The following PHKA1 variants were observed in gnomAD, a reference collection of about 807,000 sequenced individuals.
PHKA1 encodes the protein phosphorylase b kinase regulatory subunit alpha, skeletal muscle isoform.
In PHKA1, 60 loss-of-function variants were observed where a neutral mutation model predicts 110.2. The ratio of observed to expected loss-of-function variants is 0.54; its 90% CI spans 0.44 to 0.68. The LOEUF (loss-of-function observed/expected upper bound fraction) is 0.68, where lower values mean the gene tolerates loss of function less well. PHKA1 is among the 30% of genes least tolerant of loss of function. The pLI is 0.00. For synonymous variants in PHKA1, 316 were observed against 333.6 expected (o/e 0.95, Z 0.58); for missense variants, 801 against 942.5 (o/e 0.85, Z 1.97).
At chrX:72,596,292 G>A (rs2052588607) in intron 28 of PHKA1, among the ~76,000 whole-genome samples, 1 of 111,223 alleles carries the variant, frequency 9.0e-6, no homozygotes, top group African/African-American at 3.3e-5. Flanking sequence ...CAGGGGCTGG[G>A]TAGAGGGGAA....
At chrX:72,693,238 A>G (rs1227098419) in intron 4 of PHKA1, among the ~76,000 whole-genome samples, 2 of 112,006 alleles carry the variant, frequency 1.8e-5, no homozygotes, top group Non-Finnish European at 3.8e-5. Context: ...CATATAATCT[A>G]TCCTGAAAAA....
chrX:72,651,591 A>C (rs1228410920), intron 12 of PHKA1, among the ~76,000 whole-genome samples: 1 of 111,633 alleles, frequency 9.0e-6, no homozygotes, highest in African/African-American at 3.3e-5. Context: ...AAGAATACCA[A>C]TCACTGTGGT....
chrX:72,616,356 A>T (rs1388949946), intron 21 of PHKA1, among the ~76,000 whole-genome samples: 2 of 112,182 alleles, frequency 1.8e-5, no homozygotes, highest in African/African-American at 6.5e-5. Flanking sequence ...TGACAGAGCA[A>T]GACTGTCTTA....
chrX:72,697,259 T>C (rs1569452335), intron 3 of PHKA1: 2 of 112,019 alleles, frequency 1.8e-5, no homozygotes, highest in African/African-American at 6.5e-5. Context: ...AAGTTAGCAT[T>C]AACAACCAGC....
intron 2 of PHKA1, among the ~76,000 whole-genome samples, chrX:72,710,845 T>A (rs781883733): frequency 2.5e-4 from 27 of 107,270 alleles, no homozygotes; most frequent in South Asian, 7.9e-4. Flanking sequence ...TTTTTATTTT[T>A]TTTTTTATTT....
intron 29 of PHKA1, among the ~76,000 whole-genome samples, chrX:72,585,630 G>A (rs782600756): frequency 3.0e-4 from 34 of 112,213 alleles, no homozygotes; most frequent in Non-Finnish European, 3.6e-4. Context: ...CACCTCACCC[G>A]GGAAGCGCAA....
chrX:72,580,213 G>A lies in PHKA1; in HGVS notation c.*789C>T, dbSNP rs887340864. 2.7e-5 allele frequency: 3 copies of A among 111,871 alleles called. No individual in the cohort carries two copies. Among genetic ancestry groups the A allele is most frequent in the Admixed American group, 9.5e-5 (1 of 10,552 alleles). The allele number at this position is 111,871 out of a possible 1,213,427, so 9.2% of individuals were successfully genotyped here. On this transcript the variant is annotated 3_prime_UTR_variant, in exon 32 of 32. Coordinates refer to ENST00000373542, the MANE Select transcript of PHKA1 (RefSeq NM_002637.4). ...ATTGGGCTCCGGGCTCCATTTCTGG[G>A]TTATTCTGCATTTTCTGCTGCAAAT... is the stretch of plus-strand genomic sequence containing the variant.
intron 25 of PHKA1, among the ~76,000 whole-genome samples, chrX:72,603,455 T>G (rs782231309): frequency 8.9e-6 from 1 of 111,921 alleles, no homozygotes; most frequent in East Asian, 2.8e-4. Flanking sequence ...GATTTCTTCT[T>G]CACCCTGCTT....
At chrX:72,675,998 A>C in intron 6 of PHKA1, 72 bp downstream of exon 6, 1 of 752,704 alleles carries the variant, frequency 1.3e-6, no homozygotes, top group Non-Finnish European at 2.1e-6. Flanking sequence ...AGTCACATTA[A>C]GTTTTATCTG....
intron 3 of PHKA1, among the ~76,000 whole-genome samples, chrX:72,696,495 T>C (rs1408319621): frequency 9.0e-6 from 1 of 111,281 alleles, no homozygotes; most frequent in Non-Finnish European, 1.9e-5. Flanking sequence ...ATTGCCTCCT[T>C]TGGAAAGACT....
In PHKA1 at chrX:72,713,694, A is replaced by C. The variant is rs1556335788; in HGVS notation, c.78+109T>G. On this transcript the variant is annotated intron_variant, in intron 1 of 31. Coordinates refer to ENST00000373542, the MANE Select transcript of PHKA1 (RefSeq NM_002637.4). ...GTCACACACACACACACACACACAC[A>C]CACACACCCACACACGCACGCACGC... 3 of 600,675 alleles carry C rather than the reference A, an allele frequency of 5.0e-6. No individual in the cohort carries two copies. In the African/African-American group the frequency reaches 6.8e-5, roughly 14 times the overall value. The allele number at this position is 600,675 out of a possible 1,213,427, so 49.5% of individuals were successfully genotyped here.
chrX:72,665,559 C>A (rs903477867), intron 8 of PHKA1, among the ~76,000 whole-genome samples: 1 of 111,245 alleles, frequency 9.0e-6, no homozygotes, highest in Non-Finnish European at 1.9e-5. Flanking sequence ...CCAAAACTGA[C>A]GAGGACACAA....
At chrX:72,703,678 C>G (rs1556330877) in intron 3 of PHKA1, among the ~76,000 whole-genome samples, 1 of 110,830 alleles carries the variant, frequency 9.0e-6, no homozygotes, top group African/African-American at 3.3e-5. Flanking sequence ...AGTGAGACCC[C>G]TATCTAAAAA....
intron 28 of PHKA1, among the ~76,000 whole-genome samples, chrX:72,597,619 G>A (rs1189460344): frequency 6.3e-5 from 7 of 111,812 alleles, no homozygotes; most frequent in African/African-American, 2.3e-4. Context: ...CCACATCAGG[G>A]TAAATGGGGT....
chrX:72,663,310 G>C (rs2053581324), intron 8 of PHKA1, among the ~76,000 whole-genome samples: 1 of 104,309 alleles, frequency 9.6e-6, no homozygotes, highest in Non-Finnish European at 1.9e-5. Flanking sequence ...CAGATCTTTT[G>C]AAATAAACCA....
At chrX:72,697,561 A>G (rs782633053) in intron 3 of PHKA1, among the ~76,000 whole-genome samples, 1 of 108,212 alleles carries the variant, frequency 9.2e-6, no homozygotes, top group East Asian at 2.9e-4. Flanking sequence ...CTTTTTTTTG[A>G]GCAAAAGTTT....
intron 2 of PHKA1, among the ~76,000 whole-genome samples, chrX:72,710,812 T>A (rs782715516): frequency 4.1e-3 from 19 of 4,669 alleles, no homozygotes; most frequent in African/African-American, 6.9e-3. Context: ...CTCTGTTAAA[T>A]TCTTTATTTT....
intron 28 of PHKA1, among the ~76,000 whole-genome samples, chrX:72,595,226 CAA>C (rs1417189193): frequency 9.0e-6 from 1 of 111,218 alleles, no homozygotes; most frequent in African/African-American, 3.3e-5. Context: ...AAACACATAA[CAA>C]AATTCGACAC....
intron 16 of PHKA1, among the ~76,000 whole-genome samples, chrX:72,634,818 T>C (rs2053210592): frequency 8.9e-6 from 1 of 112,256 alleles, no homozygotes; most frequent in African/African-American, 3.2e-5. Context: ...TTTTAAATTA[T>C]CCTCCACTAC....
Sources: gnomAD v4.1 joint callset for allele counts (sites outside exome capture counted in the v4.1 genomes callset) on GRCh38, gnomAD v4.1.1 for gene constraint, MANE v1.5 for transcripts, NCBI Gene and HGNC (gene_info 2026-07-23, HGNC 2026-07-21) for gene names.